Variants in ZNF208 observed in about 807,000 individuals in gnomAD.
The protein encoded by ZNF208 is zinc finger protein 95.
A neutral mutation model predicts 12.1 loss-of-function variants in ZNF208; 10 were observed. The observed-to-expected ratio is 0.83, with a 90% CI of 0.51 to 1.40. ZNF208 has a LOEUF of 1.40. Ranked by LOEUF, ZNF208 falls within the 40% of genes most tolerant of loss-of-function variation. The probability of loss-of-function intolerance (pLI) is 0.00; values close to 1 mark genes in which losing one functional copy is unlikely to be tolerated. For missense variants in ZNF208, 1,652 were observed against 1,485.0 expected (o/e 1.11, Z -1.85); for synonymous variants, 497 against 488.4 (o/e 1.02, Z -0.23).
chr19:21,949,345 G>A (rs1338736962), intron 4 of ZNF208, among the ~76,000 whole-genome samples: 1 of 152,112 alleles, frequency 6.6e-6, no homozygotes, highest in Non-Finnish European at 1.5e-5. Flanking sequence ...AAAATTTAAA[G>A]CTCAGCTCTG....
intron 1 of ZNF208, among the ~76,000 whole-genome samples, chr19:22,009,061 C>A (rs1195850527): frequency 1.3e-5 from 2 of 152,124 alleles, no homozygotes; most frequent in African/African-American, 4.8e-5. Flanking sequence ...CAAAGGGAAA[C>A]CTTGACCCAA....
intron 4 of ZNF208, chr19:21,940,965 C>T: frequency 5.8e-6 from 1 of 173,044 alleles, no homozygotes; most frequent in Non-Finnish European, 1.2e-5. Flanking sequence ...CCGGGCTGGG[C>T]GACCGTGGGC....
intron 1 of ZNF208, among the ~76,000 whole-genome samples, chr19:21,991,911 G>A (rs541007095): frequency 6.6e-6 from 1 of 152,016 alleles, no homozygotes; most frequent in South Asian, 2.1e-4. Context: ...CAGAAGATCT[G>A]AGATAAAGTC....
At chr19:21,944,776 C>A (rs1425800074) in intron 4 of ZNF208, among the ~76,000 whole-genome samples, 1 of 152,174 alleles carries the variant, frequency 6.6e-6, no homozygotes. Context: ...ACAGCTAAAT[C>A]TTAGTCTCAG....
chr19:21,964,138 C>T (rs993577185), downstream of ZNF208, among the ~76,000 whole-genome samples: 6 of 151,776 alleles, frequency 4.0e-5, no homozygotes, highest in Admixed American at 2.0e-4. Flanking sequence ...AAAAATACTA[C>T]TAATACTTTT....
intron 4 of ZNF208, among the ~76,000 whole-genome samples, chr19:21,948,615 C>T (rs1171063365): frequency 5.3e-5 from 8 of 152,162 alleles, no homozygotes; most frequent in Admixed American, 4.6e-4. Context: ...GTTCCCTTCT[C>T]ATTGCAGGAC....
chr19:21,959,496 CAGA>C lies in ZNF208; in HGVS notation c.305+15230_305+15232del, dbSNP rs561650985. Among the ~76,000 whole-genome samples, 188 of 152,256 alleles carry C rather than the reference CAGA, an allele frequency of 1.2e-3. 1 individual carries two copies. Among genetic ancestry groups the C allele is most frequent in the African/African-American group, 4.2e-3 (173 of 41,546 alleles). On this transcript the variant is annotated intron_variant, in intron 4 of 4. Transcript: ENST00000599916. Reference sequence around the variant, plus strand: ...AGTGTTGAAGTGAACCCTCTTTCACCAGAAGAATACCTTTGTGAATGTGAATAG... The same window carrying C: ...AGTGTTGAAGTGAACCCTCTTTCACCAGAATACCTTTGTGAATGTGAATAG...
At chr19:21,953,729 T>C (rs1004304322) in intron 4 of ZNF208, among the ~76,000 whole-genome samples, 1 of 152,348 alleles carries the variant, frequency 6.6e-6, no homozygotes, top group African/African-American at 2.4e-5. Context: ...AGACCATTGA[T>C]GCTAGGAAGA....
chr19:21,952,421 G>T (rs1016964760), intron 4 of ZNF208, among the ~76,000 whole-genome samples: 1 of 152,192 alleles, frequency 6.6e-6, no homozygotes, highest in Non-Finnish European at 1.5e-5. Context: ...ACCTCATATA[G>T]GTGGGTGCCC....
At chr19:21,995,202 T>C (rs1970812276) in intron 1 of ZNF208, among the ~76,000 whole-genome samples, 1 of 152,210 alleles carries the variant, frequency 6.6e-6, no homozygotes, top group Non-Finnish European at 1.5e-5. Context: ...TCCACCCATC[T>C]TGGCTTCCCA....
chr19:21,968,755 G>C lies in ZNF208; in HGVS notation c.*2436C>G, dbSNP rs1206623704. Among the ~76,000 whole-genome samples the C allele has an allele frequency of 8.3e-6, 1 of 119,914 alleles. No homozygotes were observed. Among genetic ancestry groups the C allele is most frequent in the African/African-American group, 3.5e-5 (1 of 28,236 alleles). The allele number at this position is 119,914 out of a possible 152,430, so 78.7% of individuals were successfully genotyped here. A position where few individuals can be genotyped will look rare whatever the true frequency, so the allele number is the denominator to read the frequency against. On this transcript the variant is annotated 3_prime_UTR_variant, in exon 4 of 4. Transcript: ENST00000397126. Reference sequence around the variant, plus strand: ...TGATTTTTTCGAATGCATTCAGTAGGCTTAGGTAAAACTCTTTGCAATGTG... The same window carrying C: ...TGATTTTTTCGAATGCATTCAGTAGCCTTAGGTAAAACTCTTTGCAATGTG...
chr19:22,001,753 C>T (rs1222392746), intron 1 of ZNF208, among the ~76,000 whole-genome samples: 8 of 151,504 alleles, frequency 5.3e-5, no homozygotes. Flanking sequence ...ATTAGCTGGG[C>T]ATGGTAGCAC....
chr19:21,954,745 G>A (rs1969945873), intron 4 of ZNF208, among the ~76,000 whole-genome samples: 1 of 152,108 alleles, frequency 6.6e-6, no homozygotes, highest in Non-Finnish European at 1.5e-5. Flanking sequence ...GGTGAGATGG[G>A]TTTCCTGAAT....
Position 21,972,041 on chromosome 19 carries a change from T to G in ZNF208, c.2993A>C (p.Glu998Ala). Residue 998 changes from glutamate (E) to alanine (A), a missense_variant, in exon 4 of 4, where the codon GAG becomes GCG. By Grantham distance (107) the Glu-to-Ala change is moderately radical. Coordinates refer to ENST00000397126, the MANE Select transcript of ZNF208 (RefSeq NM_007153.3). ...ACATTCTTCACATTTGTAGGGTTTCTCTCCAGTATGAATTACCTTATGTTT... is the reference window on the plus strand; with the variant it reads ...ACATTCTTCACATTTGTAGGGTTTCGCTCCAGTATGAATTACCTTATGTTT... ...LTKHKVIHTG[E>A]KPYKCEECGK... 6.2e-7 allele frequency: 1 copy of G among 1,613,902 alleles called. No homozygotes were observed. The highest frequency in any genetic ancestry group is 8.5e-7 in the Non-Finnish European group (1 of 1,179,932).
chr19:21,951,150 C>T (rs73537078), intron 4 of ZNF208, among the ~76,000 whole-genome samples: 1 of 152,236 alleles, frequency 6.6e-6, no homozygotes, highest in African/African-American at 2.4e-5. Context: ...GCTTCTTTGG[C>T]CCTTGAGTAC....
rs377638519 is a variant in ZNF208 at position 21,975,851 on chromosome 19, A to AAAAAAAAAAG, written c.227-1045_227-1044insCTTTTTTTTT. ...AAAAAAAAAAAAAAAAAAAAAAAAA[A>AAAAAAAAAAG]GCTATCAAGTGAGAATAATACCATC... On this transcript the variant is annotated intron_variant, in intron 3 of 3. Coordinates refer to ENST00000397126, the MANE Select transcript of ZNF208 (RefSeq NM_007153.3). Among the ~76,000 whole-genome samples, 181 of 91,858 alleles carry AAAAAAAAAAG rather than the reference A, an allele frequency of 2.0e-3. 37 individuals are homozygous for AAAAAAAAAAG. Among genetic ancestry groups the AAAAAAAAAAG allele is most frequent in the African/African-American group, 7.4e-3 (163 of 21,946 alleles). 60.3% of individuals were successfully genotyped at this position (91,858 alleles called of 152,430 possible).
At chr19:21,941,072 G>A (rs1036866723) in intron 4 of ZNF208, 19 of 303,924 alleles carry the variant, frequency 6.3e-5, no homozygotes, top group Non-Finnish European at 1.1e-4. Context: ...CCCCGCAGAG[G>A]AGGCGGTAGC....
Position 21,988,921 on chromosome 19 carries a change from A to C in ZNF208, c.4-12T>G. 1 of 1,608,680 alleles carries C rather than the reference A, an allele frequency of 6.2e-7. No individual in the cohort carries two copies. Among genetic ancestry groups the C allele is most frequent in the Non-Finnish European group, 8.5e-7 (1 of 1,178,154 alleles). On this transcript the variant is annotated splice_polypyrimidine_tract_variant and intron_variant, in intron 1 of 3. Transcript: ENST00000397126. ...AATGTCAATGATCCCTGGAAAACAC[A>C]AACACACATATTTATCAACTGGACA...
Position 21,972,649 on chromosome 19 carries a change from A to G in ZNF208, c.2385T>C (p.His795=). The G allele has an allele frequency of 6.2e-7, 1 of 1,613,092 alleles. No homozygotes were observed. Among genetic ancestry groups the G allele is most frequent in the Non-Finnish European group, 8.5e-7 (1 of 1,179,844 alleles). Residue 795 remains histidine, a synonymous_variant, in exon 4 of 4, where the codon CAT becomes CAC. Transcript: ENST00000397126. ...GTTTCTCATCAGTATGAATTCTCTTATGTTTAATAAGGATTGCAGATCGGT... is the reference window on the plus strand; with the variant it reads ...GTTTCTCATCAGTATGAATTCTCTTGTGTTTAATAAGGATTGCAGATCGGT... The part of the protein sequence containing the change: ...AFNRSAILIK[H]KRIHTDEKPY...
Sources: gnomAD v4.1 joint callset for allele counts (sites outside exome capture counted in the v4.1 genomes callset) on GRCh38, gnomAD v4.1.1 for gene constraint, MANE v1.5 for transcripts, NCBI Gene and HGNC (gene_info 2026-07-23, HGNC 2026-07-21) for gene names.